Variants in CLIC5 observed in about 807,000 individuals in gnomAD.
The protein encoded by CLIC5 is chloride intracellular channel protein 5.
Under a neutral mutation model 24.7 loss-of-function variants are expected in CLIC5, and 20 were observed. That is an observed-to-expected ratio of 0.81 (90% CI 0.57 to 1.18). The LOEUF is 1.18. Among genes scored for constraint, CLIC5 ranks in the 50% most tolerant of loss-of-function variants. The pLI is 0.00. For missense variants in CLIC5, 341 were observed against 326.1 expected (o/e 1.05, Z -0.35); for synonymous variants, 159 against 135.6 (o/e 1.17, Z -1.20).
At chr6:45,968,256 C>A (rs909198006) in intron 1 of CLIC5, among the ~76,000 whole-genome samples, 1 of 152,192 alleles carries the variant, frequency 6.6e-6, no homozygotes, top group Non-Finnish European at 1.5e-5. Flanking sequence ...TCTCTCAATG[C>A]CAACTCTGAA....
At chr6:45,892,108 A>T (rs980017526) in intron 6 of CLIC5, 2 of 152,152 alleles carry the variant, frequency 1.3e-5, no homozygotes, top group Admixed American at 1.3e-4. Flanking sequence ...TTCCTGACCG[A>T]GGAAGACTAT....
At chr6:46,124,100 A>G in the CLIC5 span, among the ~76,000 whole-genome samples, 1 of 152,150 alleles carries the variant, frequency 6.6e-6, no homozygotes, top group African/African-American at 2.4e-5. Flanking sequence ...TTCATATGGA[A>G]CCAAAAAAGA....
chr6:46,030,664 A>G (rs571892397), intron 1 of CLIC5, among the ~76,000 whole-genome samples: 1 of 152,206 alleles, frequency 6.6e-6, no homozygotes, highest in South Asian at 2.1e-4. Flanking sequence ...ATTCTGGGAA[A>G]CCCTAAAATG....
chr6:46,002,216 A>T (rs770513219), intron 1 of CLIC5, among the ~76,000 whole-genome samples: 15 of 150,486 alleles, frequency 1.0e-4, no homozygotes, highest in Non-Finnish European at 1.5e-4. Flanking sequence ...TCTCACATTT[A>T]TAGTGCCTAG....
At chr6:45,982,011 A>G (rs889181535) in intron 1 of CLIC5, among the ~76,000 whole-genome samples, 18 of 138,248 alleles carry the variant, frequency 1.3e-4, no homozygotes, top group South Asian at 7.8e-4. Flanking sequence ...AAAAAAAAAG[A>G]AAAAAAGAAA....
At chr6:46,096,421 T>C in the CLIC5 span, among the ~76,000 whole-genome samples, 1 of 152,260 alleles carries the variant, frequency 6.6e-6, no homozygotes, top group African/African-American at 2.4e-5. Context: ...TTCTATACCA[T>C]GGAACACTGG....
chr6:45,917,042 T>C (rs527534456), intron 4 of CLIC5, among the ~76,000 whole-genome samples: 1 of 152,322 alleles, frequency 6.6e-6, no homozygotes, highest in East Asian at 1.9e-4. Flanking sequence ...AGCCTTAAGC[T>C]TCAAGGTGTC....
At chr6:45,931,470 G>A (rs1763732886) in intron 4 of CLIC5, among the ~76,000 whole-genome samples, 2 of 152,140 alleles carry the variant, frequency 1.3e-5, no homozygotes, top group African/African-American at 4.8e-5. Flanking sequence ...TAGCCTCAAG[G>A]AAGTAATAAA....
chr6:45,918,483 C>T (rs1348016703), intron 4 of CLIC5, among the ~76,000 whole-genome samples: 1 of 152,226 alleles, frequency 6.6e-6, no homozygotes, highest in Non-Finnish European at 1.5e-5. Flanking sequence ...TAAGGCAAAG[C>T]AGACTCCTGG....
intron 5 of CLIC5, among the ~76,000 whole-genome samples, chr6:45,912,973 C>T (rs1762876015): frequency 1.3e-5 from 2 of 152,234 alleles, no homozygotes; most frequent in African/African-American, 4.8e-5. Flanking sequence ...GACTTCAGCT[C>T]AAGCTGGTAC....
At chr6:45,905,099 A>G (rs1332122564) in intron 5 of CLIC5, among the ~76,000 whole-genome samples, 1 of 152,032 alleles carries the variant, frequency 6.6e-6, no homozygotes, top group Non-Finnish European at 1.5e-5. Flanking sequence ...ATGTATATGT[A>G]CCATGTTTTG....
intron 1 of CLIC5, among the ~76,000 whole-genome samples, chr6:46,002,760 C>G (rs538953228): frequency 6.6e-6 from 1 of 152,188 alleles, no homozygotes; most frequent in Non-Finnish European, 1.5e-5. Context: ...GACTTGAGAA[C>G]AGGTGCGTCT....
At chr6:45,958,422 TTATATATATATATATATATA>T (rs35922936) in intron 1 of CLIC5, among the ~76,000 whole-genome samples, 100 of 8,368 alleles carry the variant, frequency 0.012, 1 homozygote, top group African/African-American at 0.024. Context: ...AAAAAGACAA[TTATATATATATATATATATA>T]TATATATATA....
chr6:46,106,340 T>C, the CLIC5 span, among the ~76,000 whole-genome samples: 1 of 152,188 alleles, frequency 6.6e-6, no homozygotes, highest in African/African-American at 2.4e-5. Flanking sequence ...TCTCTTGACC[T>C]TGTGATCCAC....
intron 6 of CLIC5, among the ~76,000 whole-genome samples, chr6:45,886,808 A>G (rs1162228540): frequency 6.6e-6 from 1 of 152,200 alleles, no homozygotes; most frequent in Non-Finnish European, 1.5e-5. Flanking sequence ...AACGTTTTCC[A>G]AATGCCTGTA....
At chr6:45,994,345 A>G (rs1766049963) in intron 1 of CLIC5, among the ~76,000 whole-genome samples, 1 of 152,236 alleles carries the variant, frequency 6.6e-6, no homozygotes, top group Non-Finnish European at 1.5e-5. Flanking sequence ...TTGCAGGGAC[A>G]TGGATGAAGC....
chr6:46,043,096 C>T (rs892535482), intron 1 of CLIC5, among the ~76,000 whole-genome samples: 1 of 152,188 alleles, frequency 6.6e-6, no homozygotes, highest in Non-Finnish European at 1.5e-5. Flanking sequence ...CCATAAATCA[C>T]TCCTAATGAC....
intron 1 of CLIC5, among the ~76,000 whole-genome samples, chr6:46,025,557 A>G (rs1488277733): frequency 6.6e-6 from 1 of 152,234 alleles, no homozygotes; most frequent in African/African-American, 2.4e-5. Context: ...TTTATTACTA[A>G]TGTGTTTAAG....
chr6:45,984,320 G>C (rs1047284626), intron 1 of CLIC5, among the ~76,000 whole-genome samples: 2 of 152,132 alleles, frequency 1.3e-5, no homozygotes, highest in African/African-American at 4.8e-5. Context: ...CTTCAGGTCC[G>C]CAATGCCAGT....
Sources: allele counts gnomAD v4.1 joint callset (sites outside exome capture counted in the v4.1 genomes callset), GRCh38; gene constraint gnomAD v4.1.1; transcripts MANE v1.5; gene names NCBI Gene and HGNC (gene_info 2026-07-23, HGNC 2026-07-21).